The following P4HTM variants were observed in gnomAD, a reference collection of about 807,000 sequenced individuals.
The protein encoded by P4HTM is prolyl 4-hydroxylase, transmembrane.
A neutral mutation model predicts 55.3 loss-of-function variants in P4HTM; 33 were observed. That is an observed-to-expected ratio of 0.60 (90% CI 0.45 to 0.80). P4HTM has a LOEUF of 0.80. Among genes scored for constraint, P4HTM ranks in the 30% least tolerant of loss-of-function variants. The pLI is 0.00. For synonymous variants in P4HTM, 272 were observed against 286.4 expected, an observed-to-expected ratio of 0.95 and a Z score of 0.51; for missense variants, 542 against 696.5, an observed-to-expected ratio of 0.78 and a Z score of 2.50.
intron 2 of P4HTM, among the ~76,000 whole-genome samples, chr3:48,994,132 T>C (rs565901202): frequency 6.6e-6 from 1 of 152,306 alleles, no homozygotes; most frequent in African/African-American, 2.4e-5. Context: ...CAAAGAAGGA[T>C]GCCTCATCCC....
intron 2 of P4HTM, chr3:48,998,412 G>A (rs1209241715): frequency 3.3e-5 from 5 of 152,264 alleles, no homozygotes; most frequent in Admixed American, 2.6e-4. Context: ...AGATCAGCTG[G>A]AACCTCTCCA....
Position 48,990,783 on chromosome 3 carries a change from G to A in P4HTM, c.355-50G>A, listed in dbSNP as rs755617715. 4.4e-6 allele frequency: 7 copies of A among 1,584,672 alleles called. No homozygotes were observed. The highest frequency in any genetic ancestry group is 1.7e-4 in the Middle Eastern group (1 of 5,930). On this transcript the variant is annotated intron_variant, in intron 1 of 8. Coordinates refer to ENST00000383729, the MANE Select transcript of P4HTM (RefSeq NM_177939.3). The surrounding 1 kb of genome is among the most constrained non-coding windows in gnomAD (Gnocchi z 7.2). ...GGGCCGGGGCGACTTGGCCCTTCTT[G>A]GGCAGCGCGGTCTGGCGCCCCAGCT...
In P4HTM at chr3:49,004,279, T is replaced by C; in HGVS notation, c.887+19T>C. 1 of 1,538,550 alleles carries C rather than the reference T, an allele frequency of 6.5e-7. No homozygotes were observed. The highest frequency in any genetic ancestry group is 1.2e-5 in the South Asian group (1 of 82,902). On this transcript the variant is annotated intron_variant, in intron 5 of 8. Transcript: ENST00000383729. ...GCCAGAGGTGAGCACCTGAAGCTGT[T>C]CTCACTGGAGCAGGGGGAGAAGACT...
In P4HTM at chr3:48,990,910, C is replaced by G. The variant is rs1304195970; in HGVS notation, c.432C>G (p.Leu144=). Residue 144 remains leucine, a synonymous_variant, in exon 2 of 9, where the codon CTC becomes CTG. Coordinates refer to ENST00000383729, the MANE Select transcript of P4HTM (RefSeq NM_177939.3). This position sits in a 1 kb window ranked among gnomAD's most constrained non-coding sequence, Gnocchi z 7.2. Reference sequence around the variant, plus strand: ...GAACCCTCAGCCTCAAGCCGCTGCTCTTCGGTAAGTCCGCCAGATACTCCT... The same window carrying G: ...GAACCCTCAGCCTCAAGCCGCTGCTGTTCGGTAAGTCCGCCAGATACTCCT... ...FIRTLSLKPL[L]FEIPGFLTDE... is the part of the protein sequence containing the mutation. 1 of 1,613,286 alleles carries G rather than the reference C, an allele frequency of 6.2e-7. No homozygotes were observed. Among genetic ancestry groups the G allele is most frequent in the African/African-American group, 1.3e-5 (1 of 74,930 alleles).
chr3:48,996,463 G>C (rs1245717840), intron 2 of P4HTM: 1 of 152,172 alleles, frequency 6.6e-6, no homozygotes, highest in East Asian at 1.9e-4. Context: ...CTGGGTTCAA[G>C]TGATTCTCCT....
In P4HTM at chr3:48,990,248, C is replaced by T. The variant is rs1576601278; in HGVS notation, c.-9C>T. On this transcript the variant is annotated 5_prime_UTR_variant, in exon 1 of 9. Transcript: ENST00000383729. The surrounding 1 kb of genome is among the most constrained non-coding windows in gnomAD (Gnocchi z 7.2). ...CCCCTCCCCTGGGCGCGCGCGCGAC[C>T]TGGGTGCCATGGCGGCAGCGGCGGT... The T allele has an allele frequency of 8.3e-7, 1 of 1,197,666 alleles. No homozygotes were observed. The highest frequency in any genetic ancestry group is 1.6e-5 in the African/African-American group (1 of 62,862). The allele number at this position is 1,197,666 out of a possible 1,614,324, so 74.2% of individuals were successfully genotyped here.
chr3:48,990,518 G>C lies in P4HTM; in HGVS notation c.262G>C (p.Asp88His). Residue 88 changes from aspartate (D) to histidine (H), a missense_variant, in exon 1 of 9, where the codon GAC becomes CAC. Around this residue, in one of 2 missense-constraint regions of P4HTM, gnomAD observed 536 missense variants for 672.1 expected, o/e 0.80. Transcript: ENST00000383729. This position sits in a 1 kb window ranked among gnomAD's most constrained non-coding sequence, Gnocchi z 7.2. The stretch of plus-strand genomic sequence containing the variant: ...GCTCTTCGTGCACTACAGCAACGGC[G>C]ACGAAAGCAGCGATCCCGGGCCCCA... ...LLLFVHYSNG[D>H]ESSDPGPQHR... 3.1e-6 allele frequency: 5 copies of C among 1,611,078 alleles called. No individual in the cohort carries two copies. The highest frequency in any genetic ancestry group is 4.2e-6 in the Non-Finnish European group (5 of 1,179,384).
Position 49,004,169 on chromosome 3 carries a change from G to C in P4HTM, c.796G>C (p.Ala266Pro). ...CCACAAGTACATGAGGAGCCACAAGGCAGAGTCCAGTGAGCTGGTGCGGAA... is the reference window on the plus strand; with the variant it reads ...CCACAAGTACATGAGGAGCCACAAGCCAGAGTCCAGTGAGCTGGTGCGGAA... Reference protein sequence around the residue: ...DFHKYMRSHKAESSELVRNSH... With the variant: ...DFHKYMRSHKPESSELVRNSH... Residue 266 changes from alanine to proline, a missense_variant, in exon 5 of 9, where the codon GCA becomes CCA. By Grantham distance (27) the Ala-to-Pro change is conservative. Transcript: ENST00000383729. 1 of 1,550,990 alleles carries C rather than the reference G, an allele frequency of 6.4e-7. No homozygotes were observed. Among genetic ancestry groups the C allele is most frequent in the Non-Finnish European group, 8.7e-7 (1 of 1,147,424 alleles).
At position 49,005,017 on chromosome 3, in the gene P4HTM, C is replaced by T. The variant is rs756155195; in HGVS notation, c.1044C>T (p.Asn348=). 83 of 1,613,968 alleles carry T rather than the reference C, an allele frequency of 5.1e-5. No individual in the cohort carries two copies. Among genetic ancestry groups the T allele is most frequent in the Non-Finnish European group, 3.7e-5 (44 of 1,180,028 alleles). The part of the protein sequence containing the change: ...TICSHTKLVA[N]ESVPFETSCR... ...GCTCCCATACCAAGCTGGTAGCCAA[C>T]GAGTCTGTACCCTTCGAGACCTCCT... The change falls in exon 6 of 9, where the codon AAC becomes AAT. Residue 348 remains asparagine, a synonymous_variant. Coordinates refer to ENST00000383729, the MANE Select transcript of P4HTM (RefSeq NM_177939.3).
chr3:49,005,607 C>G, intron 6 of P4HTM, 170 bp from the exon 7 acceptor site: 1 of 1,414,972 alleles, frequency 7.1e-7, no homozygotes, highest in South Asian at 1.9e-5. Flanking sequence ...GACTGGGTTT[C>G]GGGGAAGGAG....
rs935541532 is a variant in P4HTM, at chr3:49,007,118, C to G, written c.*211C>G. 4.4e-6 allele frequency: 3 copies of G among 688,696 alleles called. No individual in the cohort carries two copies. The highest frequency in any genetic ancestry group is 3.9e-5 in the South Asian group (2 of 51,338). 42.7% of individuals were successfully genotyped at this position (688,696 alleles called of 1,614,324 possible). Reference sequence around the variant, plus strand: ...AAATAAAAAACCACAAGGTTCGAGCCGCCGGGCCCGACAAACTCCGGGTCG... The same window carrying G: ...AAATAAAAAACCACAAGGTTCGAGCGGCCGGGCCCGACAAACTCCGGGTCG... On this transcript the variant is annotated 3_prime_UTR_variant, in exon 9 of 9. Transcript: ENST00000383729. The surrounding 1 kb of genome is among the most constrained non-coding windows in gnomAD (Gnocchi z 5.1).
At chr3:48,996,307 C>G (rs1361175664) in intron 2 of P4HTM, 1 of 152,042 alleles carries the variant, frequency 6.6e-6, no homozygotes, top group Non-Finnish European at 1.5e-5. Context: ...GAATCTCGCT[C>G]TATGGCCAGG....
rs927939525 is a variant in P4HTM at position 48,998,579 on chromosome 3, C to A, written c.437-2859C>A. 2.0e-5 allele frequency among the ~76,000 whole-genome samples: 3 copies of A among 152,248 alleles called. No individual in the cohort carries two copies. In the South Asian group the frequency reaches 6.2e-4, roughly 31 times the overall value. On this transcript the variant is annotated intron_variant, in intron 2 of 8. Transcript: ENST00000383729. Reference sequence around the variant, plus strand: ...CCCGCCCTCCCACTCAGGTGCCTTGCCAGCTTTCCAGTGCACCTCTCCCTC... The same window carrying A: ...CCCGCCCTCCCACTCAGGTGCCTTGACAGCTTTCCAGTGCACCTCTCCCTC...
intron 2 of P4HTM, among the ~76,000 whole-genome samples, chr3:48,992,417 C>T (rs1370875484): frequency 1.3e-5 from 2 of 151,766 alleles, no homozygotes; most frequent in Admixed American, 1.3e-4. Flanking sequence ...GCCAGCCTGA[C>T]CAACATGGTG....
In P4HTM at chr3:49,007,018, C is replaced by T. The variant is rs1348441527; in HGVS notation, c.*111C>T. ...TAAAGGTCTGGCCAATGTCTTGCCC[C>T]ACCCCGCCAGCCGCGATACGGCGCA... On this transcript the variant is annotated 3_prime_UTR_variant, in exon 9 of 9. Coordinates refer to ENST00000383729, the MANE Select transcript of P4HTM (RefSeq NM_177939.3). The surrounding 1 kb of genome is among the most constrained non-coding windows in gnomAD (Gnocchi z 5.1). 1 of 890,224 alleles carries T rather than the reference C, an allele frequency of 1.1e-6. No homozygotes were observed. Among genetic ancestry groups the T allele is most frequent in the Non-Finnish European group, 1.7e-6 (1 of 581,772 alleles). The allele number at this position is 890,224 out of a possible 1,614,324, so 55.1% of individuals were successfully genotyped here. A position where few individuals can be genotyped will look rare whatever the true frequency, so the allele number is the denominator to read the frequency against.
rs1384408888 is a variant in P4HTM at position 49,004,948 on chromosome 3, C to T, written c.975C>T (p.Tyr325=). 1 of 1,613,836 alleles carries T rather than the reference C, an allele frequency of 6.2e-7. No homozygotes were observed. The highest frequency in any genetic ancestry group is 1.3e-5 in the African/African-American group (1 of 74,948). ...TTCGATATGGTGAGGGGGGCCACTA[C>T]CATGCCCACGTGGACAGTGGGCCTG... The part of the protein sequence containing the change: ...QVVRYGEGGH[Y]HAHVDSGPVY... The change falls in exon 6 of 9, where the codon TAC becomes TAT. Residue 325 remains tyrosine, a synonymous_variant. Transcript: ENST00000383729.
At chr3:48,994,536 C>T (rs1330001640) in intron 2 of P4HTM, among the ~76,000 whole-genome samples, 4 of 152,214 alleles carry the variant, frequency 2.6e-5, no homozygotes, top group East Asian at 1.9e-4. Context: ...AAAAGGCCCA[C>T]GCTTGAGCTC....
chr3:49,004,646 A>G (rs1378560592), intron 5 of P4HTM: 1 of 590,786 alleles, frequency 1.7e-6, no homozygotes, highest in Admixed American at 3.1e-5. Flanking sequence ...ACATTTCCAC[A>G]TAGCAGGTGT....
Position 49,002,405 on chromosome 3 carries a change from T to A in P4HTM, c.628-95T>A. On this transcript the variant is annotated intron_variant, in intron 3 of 8. Coordinates refer to ENST00000383729, the MANE Select transcript of P4HTM (RefSeq NM_177939.3). The surrounding 1 kb of genome is among the most constrained non-coding windows in gnomAD (Gnocchi z 4.4). ...CTGTGTCCTCATCCATGCCCTCACC[T>A]GAACACTTTGCTCCACAACAAGCAC... 1.1e-6 allele frequency: 1 copy of A among 907,024 alleles called. No homozygotes were observed. Among genetic ancestry groups the A allele is most frequent in the Admixed American group, 1.8e-5 (1 of 56,624 alleles). 56.2% of individuals were successfully genotyped at this position (907,024 alleles called of 1,614,324 possible).
Sources: gnomAD v4.1 joint callset for allele counts (sites outside exome capture counted in the v4.1 genomes callset) on GRCh38, gnomAD v4.1.1 for gene constraint, gnomAD v4.1.1 regional missense constraint, Gnocchi (gnomAD v3.1) non-coding constraint, MANE v1.5 for transcripts, NCBI Gene and HGNC (gene_info 2026-07-23, HGNC 2026-07-21) for gene names.